Variants in CNIH3 observed in about 807,000 individuals in gnomAD.
The protein encoded by CNIH3 is protein cornichon homolog 3.
Under a neutral mutation model 24.1 loss-of-function variants are expected in CNIH3, and 14 were observed. The observed-to-expected ratio is 0.58, with a 90% CI of 0.38 to 0.91. CNIH3 has a LOEUF of 0.91. CNIH3 is among the 40% of genes least tolerant of loss of function. CNIH3 has a pLI of 0.00. For synonymous variants in CNIH3, 68 were observed against 73.8 expected, an observed-to-expected ratio of 0.92 and a Z score of 0.40; for missense variants, 178 against 196.8, an observed-to-expected ratio of 0.90 and a Z score of 0.57.
chr1:224,655,081 C>A (rs1260869558), intron 1 of CNIH3, among the ~76,000 whole-genome samples: 1 of 152,078 alleles, frequency 6.6e-6, no homozygotes, highest in Non-Finnish European at 1.5e-5. Context: ...TGATGTGGCA[C>A]CAGGATCTAG....
intron 4 of CNIH3, among the ~76,000 whole-genome samples, chr1:224,577,625 A>T (rs1470772619): frequency 6.6e-6 from 1 of 152,232 alleles, no homozygotes; most frequent in Non-Finnish European, 1.5e-5. Context: ...AATGTAAACT[A>T]GTACAACCAC....
At chr1:224,690,270 G>A (rs955497857) in intron 3 of CNIH3, among the ~76,000 whole-genome samples, 1 of 152,062 alleles carries the variant, frequency 6.6e-6, no homozygotes, top group African/African-American at 2.4e-5. Context: ...GCACGATCTC[G>A]GCTCACTGCA....
chr1:224,525,244 G>A (rs952795907), intron 2 of CNIH3, among the ~76,000 whole-genome samples: 4 of 152,212 alleles, frequency 2.6e-5, no homozygotes, highest in African/African-American at 9.7e-5. Flanking sequence ...AAACACTTCC[G>A]TGTGTTTTGC....
At chr1:224,638,180 C>T (rs979796846) in intron 1 of CNIH3, among the ~76,000 whole-genome samples, 5 of 152,236 alleles carry the variant, frequency 3.3e-5, no homozygotes, top group South Asian at 2.1e-4. Context: ...CTGCACCTTC[C>T]GCTCCAGATT....
rs527550431 is a variant in CNIH3, at chr1:224,478,479, T to C, written n.204-37262T>C. 3.9e-5 allele frequency among the ~76,000 whole-genome samples: 6 copies of C among 152,350 alleles called. No individual in the cohort carries two copies. In the South Asian group the frequency reaches 1.2e-3, roughly 32 times the overall value. On this transcript the variant is annotated intron_variant and non_coding_transcript_variant, in intron 1 of 5. Transcript: ENST00000471578. The stretch of plus-strand genomic sequence containing the variant: ...TCAGTAGATCATTGCATTTTTTAAC[T>C]CCATAATTTCTGCTTATTTTTAATT...
At chr1:224,477,455 G>A (rs1676634121) in intron 1 of CNIH3, among the ~76,000 whole-genome samples, 1 of 152,130 alleles carries the variant, frequency 6.6e-6, no homozygotes, top group African/African-American at 2.4e-5. Flanking sequence ...TAACTGAAAT[G>A]CCCACAAACC....
At chr1:224,692,837 C>G (rs186272048) in intron 3 of CNIH3, among the ~76,000 whole-genome samples, 1 of 152,146 alleles carries the variant, frequency 6.6e-6, no homozygotes. Flanking sequence ...TGCTTCTTTT[C>G]GAAACATGCT....
At chr1:224,686,456 C>A (rs909524195) in intron 3 of CNIH3, among the ~76,000 whole-genome samples, 6 of 152,044 alleles carry the variant, frequency 3.9e-5, no homozygotes, top group Non-Finnish European at 7.4e-5. Flanking sequence ...GAATAGTGCC[C>A]CAGTAAACAT....
At chr1:224,560,691 G>C (rs12068420) in intron 3 of CNIH3, among the ~76,000 whole-genome samples, 30,299 of 151,642 alleles carry the variant, frequency 0.2, 3,226 homozygotes, top group South Asian at 0.36. Context: ...CCCCAGATGG[G>C]ACCATCTAGT....
intron 2 of CNIH3, among the ~76,000 whole-genome samples, chr1:224,529,776 T>C (rs998951201): frequency 2.0e-5 from 3 of 152,236 alleles, no homozygotes; most frequent in Non-Finnish European, 4.4e-5. Context: ...TGTATATTCC[T>C]CTGAACTCTA....
intron 3 of CNIH3, among the ~76,000 whole-genome samples, chr1:224,718,418 G>T (rs1688544061): frequency 6.6e-6 from 1 of 152,226 alleles, no homozygotes; most frequent in African/African-American, 2.4e-5. Context: ...GGAGTGAGTG[G>T]CGGGTTGTAG....
At chr1:224,718,231 T>C (rs1298738588) in intron 3 of CNIH3, among the ~76,000 whole-genome samples, 1 of 151,938 alleles carries the variant, frequency 6.6e-6, no homozygotes, top group Non-Finnish European at 1.5e-5. Context: ...GGAGGGCTCA[T>C]CTGAGGAGGT....
intron 1 of CNIH3, among the ~76,000 whole-genome samples, chr1:224,464,489 T>G (rs1411131257): frequency 6.6e-6 from 1 of 152,258 alleles, no homozygotes; most frequent in Non-Finnish European, 1.5e-5. Context: ...AGCTAATTTT[T>G]ATGTATGGTG....
intron 1 of CNIH3, among the ~76,000 whole-genome samples, chr1:224,493,473 C>T (rs769576031): frequency 9.2e-5 from 14 of 151,862 alleles, no homozygotes; most frequent in African/African-American, 1.5e-4. Flanking sequence ...CAACCTACCC[C>T]GAGGGCTCAA....
chr1:224,629,182 T>C (rs1383963480), intron 1 of CNIH3, among the ~76,000 whole-genome samples: 1 of 152,048 alleles, frequency 6.6e-6, no homozygotes, highest in Admixed American at 6.5e-5. Context: ...AATTTTTTTG[T>C]ATTTTTAATA....
chr1:224,567,669 G>A (rs1680635588), intron 4 of CNIH3, among the ~76,000 whole-genome samples: 2 of 152,188 alleles, frequency 1.3e-5, no homozygotes, highest in African/African-American at 4.8e-5. Context: ...CATCCACTGT[G>A]CCTCTATTTT....
rs371255186 is a variant in CNIH3 at position 224,450,467 on chromosome 1, G to A, written n.203+15605G>A. Among the ~76,000 whole-genome samples the A allele has an allele frequency of 2.5e-3, 376 of 152,244 alleles. 1 individual carries two copies. Among genetic ancestry groups the A allele is most frequent in the South Asian group, 3.9e-3 (19 of 4,826 alleles). ...GCTGAGATCTGAATGAACTACTCTC[G>A]TGAAGATCAGGGTAAAGAGCATTCC... On this transcript the variant is annotated intron_variant and non_coding_transcript_variant, in intron 1 of 5. Transcript: ENST00000471578.
At chr1:224,705,856 TTTC>T (rs201736330) in intron 3 of CNIH3, among the ~76,000 whole-genome samples, 32,332 of 118,334 alleles carry the variant, frequency 0.27, 4,644 homozygotes, top group Middle Eastern at 0.41. Flanking sequence ...TTTTCTTTTT[TTTC>T]TTTTTTTTTT....
At chr1:224,692,128 T>G (rs1032578145) in intron 3 of CNIH3, among the ~76,000 whole-genome samples, 1 of 152,058 alleles carries the variant, frequency 6.6e-6, no homozygotes, top group Non-Finnish European at 1.5e-5. Context: ...GACCCCCATA[T>G]CTACAAAAAG....
Sources: gnomAD v4.1 joint callset for allele counts (sites outside exome capture counted in the v4.1 genomes callset) on GRCh38, gnomAD v4.1.1 for gene constraint, MANE v1.5 for transcripts, NCBI Gene and HGNC (gene_info 2026-07-23, HGNC 2026-07-21) for gene names.